The following SDK1 variants were observed in gnomAD, a reference collection of about 807,000 sequenced individuals.
SDK1 encodes protein sidekick-1.
A neutral mutation model predicts 245.5 loss-of-function variants in SDK1; 157 were observed. The ratio of observed to expected loss-of-function variants is 0.64; its 90% CI spans 0.56 to 0.73. SDK1 has a LOEUF of 0.73. Among genes scored for constraint, SDK1 ranks in the 30% least tolerant of loss-of-function variants. The probability of loss-of-function intolerance (pLI) is 0.00; values close to 1 mark genes in which losing one functional copy is unlikely to be tolerated. For missense variants in SDK1, 3,583 were observed against 3,002.3 expected (o/e 1.19, Z -4.52); for synonymous variants, 1,647 against 1,278.5 (o/e 1.29, Z -6.15).
At chr7:3,692,061 G>A (rs533659414) in intron 4 of SDK1, among the ~76,000 whole-genome samples, 1 of 152,226 alleles carries the variant, frequency 6.6e-6, no homozygotes, top group African/African-American at 2.4e-5. Context: ...CTGTGAGCAA[G>A]ACGGTTATGC....
intron 1 of SDK1, among the ~76,000 whole-genome samples, chr7:3,437,911 G>C (rs1163408489): frequency 6.6e-6 from 1 of 152,182 alleles, no homozygotes; most frequent in Admixed American, 6.5e-5. Flanking sequence ...AAGAGAGAAC[G>C]CAGTGGTAAT....
chr7:4,250,869 G>C (rs569447077), intron 44 of SDK1, among the ~76,000 whole-genome samples: 31 of 152,178 alleles, frequency 2.0e-4, no homozygotes, highest in African/African-American at 7.5e-4. Flanking sequence ...TTCAGTTTTT[G>C]CAATCATCCC....
intron 30 of SDK1, among the ~76,000 whole-genome samples, chr7:4,154,409 A>C (rs934626591): frequency 7.9e-5 from 12 of 152,182 alleles, no homozygotes; most frequent in Non-Finnish European, 4.4e-5. Context: ...ATGTTATCTC[A>C]AAAATATCCC....
At chr7:3,655,176 G>A (rs1259141113) in intron 4 of SDK1, among the ~76,000 whole-genome samples, 1 of 151,418 alleles carries the variant, frequency 6.6e-6, no homozygotes, top group East Asian at 1.9e-4. Flanking sequence ...ACTCACACCT[G>A]TAATCCCAGC....
Position 4,011,000 on chromosome 7 carries a change from C to T in SDK1, c.2166C>T (p.Gly722=), listed in dbSNP as rs906754655. ...SPWKVHLSNV[G]PEMTGVTVSG... ...GGAAGGTGCATCTGTCAAACGTTGG[C>T]CCTGAGATGACAGGCGTCACCGTGA... Residue 722 remains glycine (G), a synonymous_variant, in exon 15 of 45, where the codon GGC becomes GGT. Transcript: ENST00000404826. 6.2e-7 allele frequency: 1 copy of T among 1,614,172 alleles called. No homozygotes were observed.
intron 1 of SDK1, among the ~76,000 whole-genome samples, chr7:3,342,292 A>G (rs928624443): frequency 2.6e-5 from 4 of 152,226 alleles, no homozygotes; most frequent in Non-Finnish European, 4.4e-5. Context: ...CTCTTAGGCA[A>G]AAAAGGAGAA....
intron 1 of SDK1, among the ~76,000 whole-genome samples, chr7:3,462,541 A>T: frequency 6.6e-6 from 1 of 152,166 alleles, no homozygotes; most frequent in Non-Finnish European, 1.5e-5. Flanking sequence ...CATCACGTCT[A>T]TCTACCTGTT....
intron 1 of SDK1, among the ~76,000 whole-genome samples, chr7:3,483,161 A>G (rs1043745947): frequency 6.6e-6 from 1 of 152,196 alleles, no homozygotes; most frequent in Non-Finnish European, 1.5e-5. Context: ...TGATGAGGAT[A>G]GGGGTTACCT....
chr7:3,972,507 C>T (rs955873428), intron 12 of SDK1, among the ~76,000 whole-genome samples: 2 of 152,160 alleles, frequency 1.3e-5, no homozygotes, highest in African/African-American at 4.8e-5. Flanking sequence ...GGAGCTGTTC[C>T]CTGAAGAGCA....
At chr7:4,011,244 G>A (rs1018225757) in intron 15 of SDK1, 131 bp downstream of exon 15, 27 of 1,175,642 alleles carry the variant, frequency 2.3e-5, no homozygotes, top group Middle Eastern at 2.8e-4. Flanking sequence ...GGGACAAACC[G>A]TGAGCAGAAA....
intron 4 of SDK1, among the ~76,000 whole-genome samples, chr7:3,703,380 A>G (rs1203222977): frequency 1.3e-5 from 2 of 152,248 alleles, no homozygotes; most frequent in Admixed American, 1.3e-4. Flanking sequence ...CACATGTTGT[A>G]TGATTACATT....
chr7:4,266,991 G>A lies in SDK1; in HGVS notation c.*1607G>A. The A allele has an allele frequency of 1.0e-6, 1 of 985,560 alleles. No homozygotes were observed. Among genetic ancestry groups the A allele is most frequent in the Non-Finnish European group, 1.2e-6 (1 of 830,034 alleles). 61.1% of individuals were successfully genotyped at this position (985,560 alleles called of 1,614,324 possible). On this transcript the variant is annotated 3_prime_UTR_variant, in exon 45 of 45. Coordinates refer to ENST00000404826, the MANE Select transcript of SDK1 (RefSeq NM_152744.4). ...CTCCTGGCCACATGCAGAAAGTGTG[G>A]CCCCTGCTTACCTAGATGTTTTGTG...
chr7:3,941,602 C>CT (rs1156249951), intron 5 of SDK1, among the ~76,000 whole-genome samples: 1 of 152,182 alleles, frequency 6.6e-6, no homozygotes, highest in Non-Finnish European at 1.5e-5. Context: ...CTGCTCAAAC[C>CT]TTTCCCAATT....
chr7:4,268,018 C>T lies in SDK1; in HGVS notation c.*2634C>T. On this transcript the variant is annotated 3_prime_UTR_variant, in exon 45 of 45. Coordinates refer to ENST00000404826, the MANE Select transcript of SDK1 (RefSeq NM_152744.4). Reference sequence around the variant, plus strand: ...CAGGGAAGGAAAAGAAAATCACAGCCTAGGAAGATGGAGGTTGGATTTTAA... The same window carrying T: ...CAGGGAAGGAAAAGAAAATCACAGCTTAGGAAGATGGAGGTTGGATTTTAA... 1 of 985,422 alleles carries T rather than the reference C, an allele frequency of 1.0e-6. No individual in the cohort carries two copies. Among genetic ancestry groups the T allele is most frequent in the Non-Finnish European group, 1.2e-6 (1 of 829,928 alleles). 61.0% of individuals were successfully genotyped at this position (985,422 alleles called of 1,614,324 possible). A position where few individuals can be genotyped will look rare whatever the true frequency, so the allele number is the denominator to read the frequency against.
intron 30 of SDK1, among the ~76,000 whole-genome samples, chr7:4,154,116 A>T (rs1025810286): frequency 6.6e-5 from 10 of 152,222 alleles, no homozygotes; most frequent in African/African-American, 2.4e-4. Flanking sequence ...AGCTCCTCCT[A>T]TTTAAAAGAC....
intron 1 of SDK1, among the ~76,000 whole-genome samples, chr7:3,550,370 A>G (rs1175412374): frequency 6.6e-6 from 1 of 152,106 alleles, no homozygotes; most frequent in Non-Finnish European, 1.5e-5. Context: ...TAATATACTC[A>G]CAATCAACAT....
intron 5 of SDK1, among the ~76,000 whole-genome samples, chr7:3,911,012 G>A (rs972542043): frequency 1.8e-4 from 27 of 152,264 alleles, no homozygotes; most frequent in Non-Finnish European, 3.1e-4. Context: ...CTCCTCCAGC[G>A]CCACTGATGC....
At chr7:3,458,959 GA>G (rs1166952382) in intron 1 of SDK1, among the ~76,000 whole-genome samples, 1 of 152,184 alleles carries the variant, frequency 6.6e-6, no homozygotes, top group Non-Finnish European at 1.5e-5. Context: ...ATGGGGGAAA[GA>G]GTTTTAAGTT....
intron 1 of SDK1, among the ~76,000 whole-genome samples, chr7:3,335,395 G>C (rs1780174162): frequency 6.6e-6 from 1 of 150,716 alleles, no homozygotes; most frequent in South Asian, 2.1e-4. Flanking sequence ...TAACTTACTG[G>C]GATAAGATAC....
Sources: allele counts gnomAD v4.1 joint callset (sites outside exome capture counted in the v4.1 genomes callset), GRCh38; gene constraint gnomAD v4.1.1; transcripts MANE v1.5; gene names NCBI Gene and HGNC (gene_info 2026-07-23, HGNC 2026-07-21).